Variants in RPH3A observed in about 807,000 individuals in gnomAD.
The protein encoded by RPH3A is rabphilin 3A.
Under a neutral mutation model 102.2 loss-of-function variants are expected in RPH3A, and 48 were observed. The observed-to-expected ratio is 0.47, with a 90% CI of 0.37 to 0.60. RPH3A has a LOEUF of 0.60. Ranked by LOEUF, RPH3A falls within the 20% of genes least tolerant of loss-of-function variation. RPH3A has a pLI of 0.00. For synonymous variants in RPH3A, 310 were observed against 324.3 expected, an observed-to-expected ratio of 0.96 and a Z score of 0.47; for missense variants, 781 against 910.1, an observed-to-expected ratio of 0.86 and a Z score of 1.83.
rs1244408391 is a variant in RPH3A at position 112,898,841 on chromosome 12, T to C, written c.*2061T>C. ...CACAACCACCCAGCATCTTTCTTTG[T>C]GATGATGTAGCCAAAAATAAAGTAG... is the stretch of plus-strand genomic sequence containing the variant. On this transcript the variant is annotated 3_prime_UTR_variant, in exon 22 of 22. Coordinates refer to ENST00000389385, the MANE Select transcript of RPH3A (RefSeq NM_001143854.2). The C allele has an allele frequency of 6.6e-6, 1 of 152,250 alleles. No individual in the cohort carries two copies. The highest frequency in any genetic ancestry group is 1.5e-5 in the Non-Finnish European group (1 of 68,054). 9.4% of individuals were successfully genotyped at this position (152,250 alleles called of 1,614,324 possible).
chr12:112,669,356 C>A (rs901841027), intron 1 of RPH3A, among the ~76,000 whole-genome samples: 2 of 152,166 alleles, frequency 1.3e-5, no homozygotes, highest in Non-Finnish European at 2.9e-5. Flanking sequence ...ATACAATGAT[C>A]ATGTGCCCAT....
chr12:112,836,054 A>T (rs143340961), intron 3 of RPH3A, among the ~76,000 whole-genome samples: 1 of 152,270 alleles, frequency 6.6e-6, no homozygotes, highest in East Asian at 1.9e-4. Flanking sequence ...TCCGGTCTAG[A>T]GTGGAAGAAC....
At chr12:112,766,245 T>C (rs112078956) in intron 1 of RPH3A, among the ~76,000 whole-genome samples, 138 of 152,302 alleles carry the variant, frequency 9.1e-4, no homozygotes, top group African/African-American at 3.2e-3. Context: ...CAACACCAAA[T>C]ACCTCATTTT....
intron 1 of RPH3A, among the ~76,000 whole-genome samples, chr12:112,628,467 T>A (rs531444124): frequency 6.8e-6 from 1 of 147,732 alleles, no homozygotes; most frequent in Non-Finnish European, 1.5e-5. Flanking sequence ...ACCCATGGCA[T>A]GCCTATAATC....
chr12:112,694,502 G>A (rs922664658), intron 1 of RPH3A, among the ~76,000 whole-genome samples: 3 of 151,998 alleles, frequency 2.0e-5, no homozygotes, highest in Admixed American at 1.3e-4. Flanking sequence ...AGCTGAGATT[G>A]TCATGCAGCA....
At position 112,894,404 on chromosome 12, in the gene RPH3A, C is replaced by T. The variant is rs912416309; in HGVS notation, c.1776-174C>T. The stretch of plus-strand genomic sequence containing the variant: ...GGGGATTAAATATGCCTAAGTTGCT[C>T]AGTCAAGTGCCTGGTACCAAGCAGA... On this transcript the variant is annotated intron_variant, in intron 19 of 21. Transcript: ENST00000389385. 50 of 635,232 alleles carry T rather than the reference C, an allele frequency of 7.9e-5. No individual in the cohort carries two copies. The African/African-American group carries it at 8.2e-4, about 10-fold the overall frequency. 39.3% of individuals were successfully genotyped at this position (635,232 alleles called of 1,614,324 possible).
intron 1 of RPH3A, among the ~76,000 whole-genome samples, chr12:112,719,579 C>T (rs930719031): frequency 9.2e-5 from 14 of 152,158 alleles, no homozygotes; most frequent in African/African-American, 3.4e-4. Context: ...GGGCAGGGAC[C>T]ATATCTATCT....
rs188424264 is a variant in RPH3A at position 112,691,301 on chromosome 12, C to T, written c.-139-100842C>T. Among the ~76,000 whole-genome samples the T allele has an allele frequency of 5.1e-3, 770 of 152,202 alleles. 11 individuals carry two copies. Among genetic ancestry groups the T allele is most frequent in the African/African-American group, 0.018 (752 of 41,502 alleles). Reference sequence around the variant, plus strand: ...TGCTGGGATTACAGGCGTGAGCCACCGCGCCCAGCCTTGACCATCTTTCAG... The same window carrying T: ...TGCTGGGATTACAGGCGTGAGCCACTGCGCCCAGCCTTGACCATCTTTCAG... On this transcript the variant is annotated intron_variant, in intron 1 of 21. Coordinates refer to the RPH3A transcript ENST00000543106.
chr12:112,691,942 T>C (rs2040309873), intron 1 of RPH3A, among the ~76,000 whole-genome samples: 1 of 152,198 alleles, frequency 6.6e-6, no homozygotes, highest in Non-Finnish European at 1.5e-5. Flanking sequence ...TGACAGATGA[T>C]TGGATTTTTA....
intron 5 of RPH3A, among the ~76,000 whole-genome samples, chr12:112,857,652 C>G (rs1265941388): frequency 6.6e-6 from 1 of 152,158 alleles, no homozygotes; most frequent in Non-Finnish European, 1.5e-5. Context: ...GCCTTGACCT[C>G]TAGAGCTGTT....
rs1430850110 is a variant in RPH3A, at chr12:112,887,937, C to T, written c.1563+14C>T. ...CGAGTGATTCCTGTGAGTGACTTTA[C>T]CCTGAGGATCTGATGGGAGGAGGGG... On this transcript the variant is annotated intron_variant, in intron 17 of 21. Coordinates refer to ENST00000389385, the MANE Select transcript of RPH3A (RefSeq NM_001143854.2). 1.9e-6 allele frequency: 3 copies of T among 1,611,972 alleles called. No individual in the cohort carries two copies. Among genetic ancestry groups the T allele is most frequent in the Non-Finnish European group, 1.7e-6 (2 of 1,178,630 alleles).
chr12:112,720,363 A>G (rs1010841928), intron 1 of RPH3A, among the ~76,000 whole-genome samples: 6 of 152,262 alleles, frequency 3.9e-5, no homozygotes, highest in Admixed American at 1.3e-4. Flanking sequence ...ATCTTAGGCT[A>G]TCAGATTGTG....
intron 2 of RPH3A, among the ~76,000 whole-genome samples, chr12:112,821,973 TAAA>T (rs34609103): frequency 3.5e-5 from 5 of 143,992 alleles, no homozygotes; most frequent in African/African-American, 1.0e-4. Flanking sequence ...ATTTTACCCT[TAAA>T]AAAAAAAAAA....
chr12:112,613,582 G>C (rs1344540137), intron 1 of RPH3A, among the ~76,000 whole-genome samples: 2 of 152,144 alleles, frequency 1.3e-5, no homozygotes, highest in Non-Finnish European at 2.9e-5. Context: ...CCATCACCCA[G>C]ATCCTTATAA....
chr12:112,615,938 G>T (rs990301119), intron 1 of RPH3A, among the ~76,000 whole-genome samples: 1 of 152,168 alleles, frequency 6.6e-6, no homozygotes, highest in African/African-American at 2.4e-5. Flanking sequence ...TATATTGTCT[G>T]TTGTTTGAGA....
intron 16 of RPH3A, among the ~76,000 whole-genome samples, chr12:112,884,043 T>G (rs1370259330): frequency 6.6e-6 from 1 of 152,196 alleles, no homozygotes; most frequent in Non-Finnish European, 1.5e-5. Context: ...CCTTTTTTTC[T>G]TAACAATATA....
intron 1 of RPH3A, among the ~76,000 whole-genome samples, chr12:112,727,621 G>A (rs1173177832): frequency 6.6e-6 from 1 of 150,924 alleles, no homozygotes; most frequent in Non-Finnish European, 1.5e-5. Context: ...TTAAACTTAA[G>A]TTAAAACTTA....
At chr12:112,725,766 TTTGTTGTTG>T (rs374402903) in intron 1 of RPH3A, among the ~76,000 whole-genome samples, 26,149 of 148,412 alleles carry the variant, frequency 0.18, 2,440 homozygotes, top group Admixed American at 0.23. Context: ...GAGTGTAGTT[TTTGTTGTTG>T]TTGTTGTTGT....
chr12:112,837,593 G>A (rs1182594067), intron 4 of RPH3A, among the ~76,000 whole-genome samples: 4 of 152,164 alleles, frequency 2.6e-5, no homozygotes, highest in African/African-American at 9.7e-5. Flanking sequence ...GCCTTGTAAA[G>A]ACTATTTGAA....
Sources: gnomAD v4.1 joint callset for allele counts (sites outside exome capture counted in the v4.1 genomes callset) on GRCh38, gnomAD v4.1.1 for gene constraint, MANE v1.5 for transcripts, NCBI Gene and HGNC (gene_info 2026-07-23, HGNC 2026-07-21) for gene names.